MKLN1: variants seen among roughly 807,000 people sequenced by gnomAD.
The protein encoded by MKLN1 is muskelin.
In MKLN1, 18 loss-of-function variants were observed where a neutral mutation model predicts 99.0. The observed-to-expected ratio is 0.18, with a 90% CI of 0.13 to 0.27. The LOEUF (loss-of-function observed/expected upper bound fraction) is 0.27, where lower values mean the gene tolerates loss of function less well. Ranked by LOEUF, MKLN1 falls within the 10% of genes least tolerant of loss-of-function variation. The pLI is 1.00. For synonymous variants in MKLN1, 288 were observed against 293.2 expected (o/e 0.98, Z 0.18); for missense variants, 621 against 875.9 (o/e 0.71, Z 3.67).
chr7:131,313,254 C>T (rs985971144), intron 3 of MKLN1, among the ~76,000 whole-genome samples: 2 of 152,148 alleles, frequency 1.3e-5, no homozygotes, highest in Non-Finnish European at 2.9e-5. Context: ...TTTATGAGCA[C>T]GTTTTCTATA....
At position 131,263,575 on chromosome 7, in the gene MKLN1, CT is replaced by C. The variant is rs71174935; in HGVS notation, c.-179+60615del. 1.2e-3 allele frequency among the ~76,000 whole-genome samples: 173 copies of C among 142,570 alleles called. 1 individual carries two copies. The highest frequency in any genetic ancestry group is 3.6e-3 in the Middle Eastern group (1 of 276). The allele number at this position is 142,570 out of a possible 152,430, so 93.5% of individuals were successfully genotyped here. A position where few individuals can be genotyped will look rare whatever the true frequency, so the allele number is the denominator to read the frequency against. On this transcript the variant is annotated intron_variant, in intron 3 of 7. Transcript: ENST00000416992. ...TTAAAATGAAGAACTGATGATTGCA[CT>C]TTTTTTTTTTTTTGAGACTGAGTCT...
chr7:131,346,753 T>C (rs1034864788), intron 1 of MKLN1, among the ~76,000 whole-genome samples: 1 of 152,204 alleles, frequency 6.6e-6, no homozygotes, highest in African/African-American at 2.4e-5. Context: ...GCTCCTAGGT[T>C]ATAAAATAAT....
intron 3 of MKLN1, among the ~76,000 whole-genome samples, chr7:131,281,264 A>C (rs1798047279): frequency 6.6e-6 from 1 of 150,664 alleles, no homozygotes; most frequent in African/African-American, 2.4e-5. Flanking sequence ...ACAGGTATCC[A>C]GTTGTCCCAG....
intron 3 of MKLN1, among the ~76,000 whole-genome samples, chr7:131,231,104 A>G (rs1797236016): frequency 1.5e-5 from 2 of 135,106 alleles, no homozygotes; most frequent in African/African-American, 5.9e-5. Context: ...TGGGTGACAG[A>G]GCAAGACTCT....
chr7:131,366,683 G>A lies in MKLN1; in HGVS notation c.99-8741G>A, dbSNP rs985108435. On this transcript the variant is annotated intron_variant, in intron 1 of 17. Coordinates refer to ENST00000352689, the MANE Select transcript of MKLN1 (RefSeq NM_013255.5). ...AAAAACTAGCCGGGCATGGTGGCAGGCACCTGTAATCCCAGCTACTCTGGA... is the reference window on the plus strand; with the variant it reads ...AAAAACTAGCCGGGCATGGTGGCAGACACCTGTAATCCCAGCTACTCTGGA... Among the ~76,000 whole-genome samples the A allele has an allele frequency of 2.8e-4, 42 of 152,158 alleles. 1 individual carries two copies. The highest frequency in any genetic ancestry group is 3.4e-3 in the Middle Eastern group (1 of 294).
At chr7:131,129,769 T>C (rs1207529521) in intron 1 of MKLN1, among the ~76,000 whole-genome samples, 1 of 152,100 alleles carries the variant, frequency 6.6e-6, no homozygotes, top group Non-Finnish European at 1.5e-5. Context: ...AGAGACGAGG[T>C]CTTGCTATGT....
chr7:131,188,693 T>G (rs1563245893), intron 2 of MKLN1, among the ~76,000 whole-genome samples: 1 of 152,170 alleles, frequency 6.6e-6, no homozygotes, highest in East Asian at 1.9e-4. Flanking sequence ...ACTCCAGCTC[T>G]TGATGGGAGG....
intron 1 of MKLN1, among the ~76,000 whole-genome samples, chr7:131,365,498 T>C (rs1160301316): frequency 6.6e-6 from 1 of 152,144 alleles, no homozygotes; most frequent in African/African-American, 2.4e-5. Context: ...TGTTTTTTAT[T>C]TGTCTTGAAA....
At chr7:131,329,625 A>C (rs555278616) in intron 1 of MKLN1, among the ~76,000 whole-genome samples, 9 of 152,186 alleles carry the variant, frequency 5.9e-5, no homozygotes, top group South Asian at 2.1e-4. Flanking sequence ...CCAGGACGTC[A>C]CTCCTTAAAT....
chr7:131,279,649 A>G (rs1798023210), intron 3 of MKLN1, among the ~76,000 whole-genome samples: 3 of 152,076 alleles, frequency 2.0e-5, no homozygotes, highest in Non-Finnish European at 4.4e-5. Context: ...CTTTACAAAA[A>G]ATAAAAAAGT....
chr7:131,244,906 G>A (rs1350022116), intron 3 of MKLN1, among the ~76,000 whole-genome samples: 3 of 151,994 alleles, frequency 2.0e-5, no homozygotes, highest in South Asian at 2.1e-4. Context: ...GGAAAAGAGC[G>A]ACACCCCTAC....
intron 1 of MKLN1, among the ~76,000 whole-genome samples, chr7:131,127,739 A>G (rs1795485950): frequency 6.6e-6 from 1 of 152,198 alleles, no homozygotes; most frequent in African/African-American, 2.4e-5. Context: ...AATCAATTAA[A>G]TGATTGACTT....
chr7:131,432,474 G>C (rs1404302881), intron 9 of MKLN1, among the ~76,000 whole-genome samples: 5 of 152,256 alleles, frequency 3.3e-5, no homozygotes, highest in African/African-American at 1.2e-4. Context: ...GAGTAAAGTG[G>C]TGATTCAGTA....
chr7:131,448,176 C>T (rs1478565356), intron 12 of MKLN1, among the ~76,000 whole-genome samples: 4 of 151,964 alleles, frequency 2.6e-5, no homozygotes, highest in South Asian at 2.1e-4. Context: ...TGCAGTGAGC[C>T]GATATCACGC....
chr7:131,306,850 G>A (rs10954315), intron 3 of MKLN1, among the ~76,000 whole-genome samples: 68,073 of 152,036 alleles, frequency 0.45, 16,747 homozygotes, highest in Admixed American at 0.59. Flanking sequence ...AATTGGGTAA[G>A]TAAAGAAGAA....
chr7:131,125,729 G>T (rs564761803), intron 1 of MKLN1, among the ~76,000 whole-genome samples: 1 of 152,124 alleles, frequency 6.6e-6, no homozygotes, highest in Admixed American at 6.6e-5. Flanking sequence ...AAACAGCCTG[G>T]CACGGTGGCT....
intron 1 of MKLN1, among the ~76,000 whole-genome samples, chr7:131,137,951 G>A (rs558521140): frequency 9.4e-5 from 10 of 106,856 alleles, no homozygotes; most frequent in Admixed American, 3.5e-4. Context: ...TTTTGACAGA[G>A]TTTCACTCTT....
At chr7:131,234,803 AT>A (rs1477751924) in intron 3 of MKLN1, among the ~76,000 whole-genome samples, 1 of 152,204 alleles carries the variant, frequency 6.6e-6, no homozygotes, top group Non-Finnish European at 1.5e-5. Context: ...CCTCAGAGAA[AT>A]GCTGTCGTGT....
At chr7:131,171,649 G>T in intron 2 of MKLN1, among the ~76,000 whole-genome samples, 1 of 151,880 alleles carries the variant, frequency 6.6e-6, no homozygotes, top group Non-Finnish European at 1.5e-5. Context: ...GTGGAGACAG[G>T]GTTTCACCAT....
Sources: allele counts gnomAD v4.1 joint callset (sites outside exome capture counted in the v4.1 genomes callset), GRCh38; gene constraint gnomAD v4.1.1; transcripts MANE v1.5; gene names NCBI Gene and HGNC (gene_info 2026-07-23, HGNC 2026-07-21).